The following SFI1 variants were observed in gnomAD, a reference collection of about 807,000 sequenced individuals.
SFI1 encodes protein SFI1 homolog.
Under a neutral mutation model 207.5 loss-of-function variants are expected in SFI1, and 195 were observed. That is an observed-to-expected ratio of 0.94 (90% CI 0.84 to 1.06). SFI1 has a LOEUF of 1.06. Ranked by LOEUF, SFI1 falls within the 50% of genes least tolerant of loss-of-function variation. The pLI is 0.00. For synonymous variants in SFI1, 630 were observed against 598.9 expected, an observed-to-expected ratio of 1.05 and a Z score of -0.76; for missense variants, 1,634 against 1,588.0, an observed-to-expected ratio of 1.03 and a Z score of -0.49.
intron 21 of SFI1, among the ~76,000 whole-genome samples, chr22:31,607,017 T>A (rs2069141759): frequency 6.6e-6 from 1 of 151,790 alleles, no homozygotes; most frequent in Admixed American, 6.6e-5. Flanking sequence ...TGAGCCGAAT[T>A]GCACCACTGC....
At chr22:31,519,982 T>A (rs539493624) in intron 2 of SFI1, among the ~76,000 whole-genome samples, 49 of 151,740 alleles carry the variant, frequency 3.2e-4, no homozygotes, top group Middle Eastern at 6.8e-3. Context: ...CCCAGGGTGG[T>A]CTTGAACTCC....
intron 6 of SFI1, among the ~76,000 whole-genome samples, chr22:31,555,501 T>C (rs1358584839): frequency 6.6e-6 from 1 of 152,166 alleles, no homozygotes; most frequent in African/African-American, 2.4e-5. Flanking sequence ...CTTTTAGGCC[T>C]TAAGGAAGCA....
At chr22:31,569,767 G>T (rs1462528033) in intron 8 of SFI1, among the ~76,000 whole-genome samples, 1 of 152,010 alleles carries the variant, frequency 6.6e-6, no homozygotes, top group Non-Finnish European at 1.5e-5. Context: ...GAGCAACATG[G>T]TGAAACCCTG....
chr22:31,528,964 GGGA>G, intron 3 of SFI1, 101 bp downstream of exon 3: 5 of 1,191,608 alleles, frequency 4.2e-6, no homozygotes, highest in Non-Finnish European at 5.9e-6. Flanking sequence ...CGCAATTAGT[GGGA>G]GATCTTGATG....
At chr22:31,545,681 A>G (rs1245561045) in intron 4 of SFI1, among the ~76,000 whole-genome samples, 1 of 151,618 alleles carries the variant, frequency 6.6e-6, no homozygotes, top group East Asian at 1.9e-4. Flanking sequence ...CCCTGGTTCA[A>G]GCGATTCTCC....
chr22:31,557,793 C>T (rs1166074269), intron 7 of SFI1, among the ~76,000 whole-genome samples: 2 of 152,168 alleles, frequency 1.3e-5, no homozygotes, highest in African/African-American at 2.4e-5. Context: ...GGCTCACCCA[C>T]CCATGCTCTT....
chr22:31,610,661 A>C (rs1256576846), intron 22 of SFI1, among the ~76,000 whole-genome samples: 2 of 152,256 alleles, frequency 1.3e-5, no homozygotes, highest in Admixed American at 1.3e-4. Context: ...CCTGGCGACC[A>C]GCGCTGTCCT....
At chr22:31,517,671 A>T (rs1020210507) in intron 2 of SFI1, among the ~76,000 whole-genome samples, 9 of 151,502 alleles carry the variant, frequency 5.9e-5, no homozygotes, top group Admixed American at 2.6e-4. Context: ...TTTTTTTCAC[A>T]TGGGTATGTA....
intron 6 of SFI1, among the ~76,000 whole-genome samples, chr22:31,550,840 CTAGAGTTTCAAAA>C (rs2060557432): frequency 6.6e-6 from 1 of 152,140 alleles, no homozygotes; most frequent in South Asian, 2.1e-4. Context: ...GGAAAAAGAC[CTAGAGTTTCAAAA>C]TGATAATACA....
chr22:31,512,442 TC>T (rs2055738095), intron 2 of SFI1, among the ~76,000 whole-genome samples: 1 of 146,234 alleles, frequency 6.8e-6, no homozygotes, highest in Admixed American at 6.9e-5. Context: ...GTTTTTAAAT[TC>T]CTTTTTTTAT....
rs930101312 is a variant in SFI1, at chr22:31,611,052, A to C, written c.2255-91A>C. The C allele has an allele frequency of 2.6e-5, 41 of 1,547,828 alleles. No individual in the cohort carries two copies. The South Asian group carries it at 3.7e-4, about 14-fold the overall frequency. The stretch of plus-strand genomic sequence containing the variant: ...CTGGACACCTGAACTCTATCCCTGC[A>C]CAGCCATCTCTGCTGTCTGCACCTT... On this transcript the variant is annotated intron_variant, in intron 22 of 32. Transcript: ENST00000400288.
At chr22:31,519,011 G>GT (rs1310047833) in intron 2 of SFI1, among the ~76,000 whole-genome samples, 2 of 152,144 alleles carry the variant, frequency 1.3e-5, no homozygotes, top group African/African-American at 4.8e-5. Context: ...ACTATGCCCT[G>GT]TGCCCCTCTT....
At chr22:31,497,032 G>A (rs1229377610) in intron 1 of SFI1, among the ~76,000 whole-genome samples, 1 of 152,232 alleles carries the variant, frequency 6.6e-6, no homozygotes, top group African/African-American at 2.4e-5. Flanking sequence ...AGGAGCGGAA[G>A]GGCTGGTATA....
intron 1 of SFI1, among the ~76,000 whole-genome samples, chr22:31,499,847 G>C (rs2053408822): frequency 6.6e-6 from 1 of 151,368 alleles, no homozygotes; most frequent in South Asian, 2.1e-4. Flanking sequence ...ATATTACCAG[G>C]CACGGTGGTA....
intron 10 of SFI1, among the ~76,000 whole-genome samples, chr22:31,577,360 G>T (rs371116488): frequency 3.9e-5 from 6 of 152,148 alleles, no homozygotes; most frequent in African/African-American, 1.2e-4. Flanking sequence ...TGTGGAGGTA[G>T]GGATGGTGGG....
In SFI1 at chr22:31,588,693, G is replaced by T. The variant is rs145754249; in HGVS notation, c.1414-754G>T. ...CTGGGCGTGGTGGCGCACGCCTGTA[G>T]TCCCAGCTACTCGGGAGGCTGAGGC... On this transcript the variant is annotated intron_variant, in intron 14 of 32. Transcript: ENST00000400288. Among the ~76,000 whole-genome samples, 337 of 151,958 alleles carry T rather than the reference G, an allele frequency of 2.2e-3. 6 individuals carry two copies. In the East Asian group the frequency reaches 0.038, roughly 17 times the overall value.
At position 31,549,288 on chromosome 22, in the gene SFI1, T is replaced by TAAAAAAAAAAA. The variant is rs59382278; in HGVS notation, c.450-949_450-939dup. Among the ~76,000 whole-genome samples the TAAAAAAAAAAA allele has an allele frequency of 4.6e-4, 17 of 37,212 alleles. 1 individual carries two copies. The highest frequency in any genetic ancestry group is 1.4e-3 in the African/African-American group (11 of 8,064). The allele number at this position is 37,212 out of a possible 152,430, so 24.4% of individuals were successfully genotyped here. A position where few individuals can be genotyped will look rare whatever the true frequency, so the allele number is the denominator to read the frequency against. ...CTAGGTGACAGAGTGAGACCCTGTGTAAAAAAAAAAAAAAAAAAAAAAAAA... is the reference window on the plus strand; with the variant it reads ...CTAGGTGACAGAGTGAGACCCTGTGTAAAAAAAAAAAAAAAAAAAAAAAAAAAAAAAAAAAA... On this transcript the variant is annotated intron_variant, in intron 5 of 32. Coordinates refer to ENST00000400288, the MANE Select transcript of SFI1 (RefSeq NM_001007467.3).
intron 1 of SFI1, among the ~76,000 whole-genome samples, chr22:31,498,064 G>T (rs1024966660): frequency 1.3e-5 from 2 of 152,188 alleles, no homozygotes; most frequent in Admixed American, 1.3e-4. Flanking sequence ...GGAGGCCGAG[G>T]CGGGTGGATC....
chr22:31,561,090 A>C (rs2061661777), intron 7 of SFI1, among the ~76,000 whole-genome samples, 200 bp from the exon 8 acceptor site: 1 of 152,172 alleles, frequency 6.6e-6, no homozygotes, highest in Admixed American at 6.6e-5. Flanking sequence ...TAGGAACCAT[A>C]AGTTTCCAAC....
Sources: gnomAD v4.1 joint callset for allele counts (sites outside exome capture counted in the v4.1 genomes callset) on GRCh38, gnomAD v4.1.1 for gene constraint, MANE v1.5 for transcripts, NCBI Gene and HGNC (gene_info 2026-07-23, HGNC 2026-07-21) for gene names.